The following PRKG1 variants were observed in gnomAD, a reference collection of about 807,000 sequenced individuals.
The protein encoded by PRKG1 is protein kinase cGMP-dependent 1, also known as cGMP-dependent protein kinase 1.
A neutral mutation model predicts 88.1 loss-of-function variants in PRKG1; 35 were observed. The observed-to-expected ratio is 0.40, with a 90% CI of 0.30 to 0.53. The LOEUF is 0.53. Among genes scored for constraint, PRKG1 ranks in the 20% least tolerant of loss-of-function variants. PRKG1 has a pLI of 0.59. For synonymous variants in PRKG1, 303 were observed against 292.5 expected (o/e 1.04, Z -0.37); for missense variants, 540 against 839.8 (o/e 0.64, Z 4.41).
In PRKG1 at chr10:51,238,736, G is replaced by A. The variant is rs112682658; in HGVS notation, c.478+85406G>A. ...AGATGGTTCCACTGCACTCCAGCCTGGGAGACAGAGGGAGACTCTATCTCA... is the reference window on the plus strand; with the variant it reads ...AGATGGTTCCACTGCACTCCAGCCTAGGAGACAGAGGGAGACTCTATCTCA... On this transcript the variant is annotated intron_variant, in intron 2 of 17. Transcript: ENST00000373980. Among the ~76,000 whole-genome samples the A allele has an allele frequency of 6.8e-3, 1,024 of 151,396 alleles. 17 individuals carry two copies. The highest frequency in any genetic ancestry group is 0.024 in the African/African-American group (978 of 41,278).
chr10:51,624,833 C>T (rs79520705), intron 3 of PRKG1, among the ~76,000 whole-genome samples: 7,819 of 152,264 alleles, frequency 0.051, 285 homozygotes, highest in South Asian at 0.11. Context: ...ACCACACAAT[C>T]TCACTCATAT....
intron 4 of PRKG1, among the ~76,000 whole-genome samples, chr10:51,857,331 A>G (rs1327309223): frequency 6.6e-6 from 1 of 152,334 alleles, no homozygotes; most frequent in East Asian, 1.9e-4. Flanking sequence ...TGGACAACTA[A>G]TTCTAATACT....
chr10:52,237,567 C>T (rs1464049831), intron 9 of PRKG1, among the ~76,000 whole-genome samples: 3 of 141,154 alleles, frequency 2.1e-5, no homozygotes, highest in Non-Finnish European at 3.0e-5. Context: ...CTCCCATTCA[C>T]GATTGCTTCA....
chr10:51,912,936 A>G lies in PRKG1; in HGVS notation c.762+5366A>G, dbSNP rs550081652. ...AATTCAACTTCTATTTTATTTTATTATTATTTTTTTGAGATGAAATCTCAC... is the reference window on the plus strand; with the variant it reads ...AATTCAACTTCTATTTTATTTTATTGTTATTTTTTTGAGATGAAATCTCAC... On this transcript the variant is annotated intron_variant, in intron 5 of 17. Coordinates refer to ENST00000373980, the MANE Select transcript of PRKG1 (RefSeq NM_006258.4). 3.8e-4 allele frequency among the ~76,000 whole-genome samples: 58 copies of G among 151,086 alleles called. 2 individuals are homozygous for G. Among genetic ancestry groups the G allele is most frequent in the Admixed American group, 2.5e-3 (38 of 15,220 alleles).
chr10:52,073,085 A>G (rs1432055806), intron 7 of PRKG1, among the ~76,000 whole-genome samples: 1 of 152,188 alleles, frequency 6.6e-6, no homozygotes, highest in Non-Finnish European at 1.5e-5. Flanking sequence ...GGTGGTTCCC[A>G]GCAGTCCTTG....
At chr10:51,111,520 A>T (rs1450900055) in intron 1 of PRKG1, among the ~76,000 whole-genome samples, 1 of 152,130 alleles carries the variant, frequency 6.6e-6, no homozygotes, top group Non-Finnish European at 1.5e-5. Context: ...AGGTAGGGGA[A>T]GCTAATGAAG....
chr10:51,302,012 C>A (rs761560189), intron 2 of PRKG1, among the ~76,000 whole-genome samples: 3 of 152,168 alleles, frequency 2.0e-5, no homozygotes, highest in African/African-American at 4.8e-5. Flanking sequence ...GTGCTCTGAC[C>A]TCTCTCAAGC....
At chr10:51,380,842 A>G (rs1036874471) in intron 2 of PRKG1, among the ~76,000 whole-genome samples, 2 of 152,118 alleles carry the variant, frequency 1.3e-5, no homozygotes, top group Non-Finnish European at 2.9e-5. Flanking sequence ...AACTTAGGCG[A>G]CGTCCAGGAA....
chr10:51,148,076 T>A (rs1332528667), intron 1 of PRKG1, among the ~76,000 whole-genome samples: 2 of 152,186 alleles, frequency 1.3e-5, no homozygotes, highest in African/African-American at 4.8e-5. Context: ...ATTTTCTTTC[T>A]TATAGGTATT....
intron 5 of PRKG1, among the ~76,000 whole-genome samples, chr10:51,989,812 G>A (rs1469431407): frequency 6.6e-6 from 1 of 152,042 alleles, no homozygotes; most frequent in Non-Finnish European, 1.5e-5. Flanking sequence ...TAAGTTTGAT[G>A]TAATCCCATG....
chr10:51,338,880 A>G (rs1277017581), intron 2 of PRKG1, among the ~76,000 whole-genome samples: 3 of 152,220 alleles, frequency 2.0e-5, no homozygotes, highest in Non-Finnish European at 4.4e-5. Context: ...AAAGATATCT[A>G]GCGCAATGCT....
At chr10:51,017,465 A>G (rs997984580) in intron 1 of PRKG1, among the ~76,000 whole-genome samples, 14 of 152,338 alleles carry the variant, frequency 9.2e-5, no homozygotes, top group Non-Finnish European at 1.8e-4. Flanking sequence ...TGTTTGAATG[A>G]AAATAAGATA....
intron 3 of PRKG1, among the ~76,000 whole-genome samples, chr10:51,512,193 GT>G (rs796923024): frequency 0.019 from 2,274 of 117,668 alleles, 31 homozygotes; most frequent in African/African-American, 0.052. Context: ...TTTTTTTTTA[GT>G]TTTTTTTTTT....
chr10:51,313,050 C>T (rs977053626), intron 2 of PRKG1, among the ~76,000 whole-genome samples: 26 of 149,754 alleles, frequency 1.7e-4, no homozygotes, highest in Non-Finnish European at 2.5e-4. Context: ...TAAAGACAAA[C>T]ACAATTCCCA....
intron 3 of PRKG1, among the ~76,000 whole-genome samples, chr10:51,483,466 T>C (rs529380147): frequency 1.3e-5 from 2 of 152,318 alleles, no homozygotes; most frequent in East Asian, 3.9e-4. Context: ...CCTCCTTTTT[T>C]CTAGTTCCTT....
At chr10:51,290,069 T>C (rs941381411) in intron 2 of PRKG1, among the ~76,000 whole-genome samples, 1 of 152,128 alleles carries the variant, frequency 6.6e-6, no homozygotes, top group East Asian at 1.9e-4. Flanking sequence ...GAGATAAATA[T>C]ACATTCAGAG....
At chr10:51,245,415 A>G (rs1381651795) in intron 2 of PRKG1, 1 of 152,116 alleles carries the variant, frequency 6.6e-6, no homozygotes, top group Non-Finnish European at 1.5e-5. Context: ...AATTTAAGTA[A>G]TCTAGGTCAG....
intron 2 of PRKG1, among the ~76,000 whole-genome samples, chr10:51,268,719 C>T (rs569191974): frequency 2.4e-4 from 36 of 152,052 alleles, no homozygotes; most frequent in Non-Finnish European, 4.4e-4. Flanking sequence ...GGTCCTGAGG[C>T]GACATACATC....
intron 1 of PRKG1, among the ~76,000 whole-genome samples, chr10:51,108,100 G>A (rs1434688710): frequency 6.6e-6 from 1 of 152,010 alleles, no homozygotes; most frequent in Non-Finnish European, 1.5e-5. Context: ...AATAAATTAA[G>A]TTTATATTTA....
Sources: gnomAD v4.1 joint callset for allele counts (sites outside exome capture counted in the v4.1 genomes callset) on GRCh38, gnomAD v4.1.1 for gene constraint, MANE v1.5 for transcripts, NCBI Gene and HGNC (gene_info 2026-07-23, HGNC 2026-07-21) for gene names.